Variants in NRXN1 observed in about 807,000 individuals in gnomAD.
NRXN1 encodes the protein neurexin 1.
In NRXN1, 39 loss-of-function variants were observed where a neutral mutation model predicts 150.9. That is an observed-to-expected ratio of 0.26 (90% CI 0.20 to 0.34). The LOEUF (loss-of-function observed/expected upper bound fraction) is 0.34, where lower values mean the gene tolerates loss of function less well. NRXN1 is among the 10% of genes least tolerant of loss of function. NRXN1 has a pLI of 1.00. For synonymous variants in NRXN1, 924 were observed against 757.0 expected, an observed-to-expected ratio of 1.22 and a Z score of -3.62; for missense variants, 1,815 against 1,949.9, an observed-to-expected ratio of 0.93 and a Z score of 1.30.
At chr2:50,100,589 C>T (rs1390188789) in intron 18 of NRXN1, among the ~76,000 whole-genome samples, 1 of 151,992 alleles carries the variant, frequency 6.6e-6, no homozygotes, top group Non-Finnish European at 1.5e-5. Flanking sequence ...CATTCTCAAA[C>T]CATTATGAAG....
At chr2:49,971,340 CT>C (rs1469745400) in intron 21 of NRXN1, among the ~76,000 whole-genome samples, 2 of 152,132 alleles carry the variant, frequency 1.3e-5, no homozygotes, top group African/African-American at 4.8e-5. Context: ...CCCAGAACAT[CT>C]TTAATATGCG....
At chr2:50,500,050 C>T (rs1163915687) in intron 13 of NRXN1, among the ~76,000 whole-genome samples, 1 of 152,000 alleles carries the variant, frequency 6.6e-6, no homozygotes, top group Admixed American at 6.6e-5. Flanking sequence ...TGACCCCTAC[C>T]CTGATCCTGA....
At chr2:50,731,297 AC>A (rs1698071244) in intron 5 of NRXN1, among the ~76,000 whole-genome samples, 1 of 152,232 alleles carries the variant, frequency 6.6e-6, no homozygotes. Context: ...AGCTAGAGTT[AC>A]TGATTTACTA....
At chr2:50,432,331 T>A (rs1455952536) in intron 17 of NRXN1, 2 of 152,224 alleles carry the variant, frequency 1.3e-5, no homozygotes, top group Non-Finnish European at 2.9e-5. Context: ...CCATTTACCC[T>A]GCATTTTCTT....
chr2:50,428,773 T>C (rs2084708636), intron 17 of NRXN1, among the ~76,000 whole-genome samples: 1 of 152,046 alleles, frequency 6.6e-6, no homozygotes, highest in Non-Finnish European at 1.5e-5. Flanking sequence ...TGCTAAGAGG[T>C]TTACATTAAT....
chr2:50,158,500 T>C (rs1230927632), intron 18 of NRXN1, among the ~76,000 whole-genome samples: 1 of 152,054 alleles, frequency 6.6e-6, no homozygotes, highest in African/African-American at 2.4e-5. Context: ...GTTCTGGACA[T>C]TGTTATCCCA....
At chr2:50,551,074 A>AGAAGAAGAAGAAGAG (rs1553775804) in intron 9 of NRXN1, among the ~76,000 whole-genome samples, 1 of 110,688 alleles carries the variant, frequency 9.0e-6, no homozygotes, top group African/African-American at 3.5e-5. Flanking sequence ...AAGAAGAAGA[A>AGAAGAAGAAGAAGAG]GAGGAGGAGG....
Position 50,741,345 on chromosome 2 carries a change from T to C in NRXN1, c.833-117730A>G, listed in dbSNP as rs185258322. Among the ~76,000 whole-genome samples the C allele has an allele frequency of 1.6e-3, 240 of 152,260 alleles. 2 individuals carry two copies. Among genetic ancestry groups the C allele is most frequent in the African/African-American group, 5.5e-3 (230 of 41,570 alleles). ...GACCCAATGTCTAACTATAAATTCA[T>C]CTAGACTATCTATGACACTTTGCCA... On this transcript the variant is annotated intron_variant, in intron 5 of 22. Coordinates refer to ENST00000401669, the MANE Select transcript of NRXN1 (RefSeq NM_001330078.2).
intron 2 of NRXN1, among the ~76,000 whole-genome samples, chr2:51,021,417 A>G (rs184038143): frequency 7.4e-4 from 112 of 152,074 alleles, no homozygotes; most frequent in African/African-American, 2.4e-3. Flanking sequence ...GGTTTTCATA[A>G]TGTAGCTAAG....
chr2:50,814,876 T>C (rs1668707319), intron 5 of NRXN1, among the ~76,000 whole-genome samples: 2 of 152,160 alleles, frequency 1.3e-5, no homozygotes, highest in Admixed American at 1.3e-4. Context: ...TCTGTTTGAT[T>C]CAATTGTTTA....
rs531388317 is a variant in NRXN1, at chr2:50,372,189, A to C, written c.3364+93253T>G. Among the ~76,000 whole-genome samples, 5 of 152,210 alleles carry C rather than the reference A, an allele frequency of 3.3e-5. No individual in the cohort carries two copies. In the South Asian group the frequency reaches 1.0e-3, roughly 32 times the overall value. On this transcript the variant is annotated intron_variant, in intron 17 of 22. Transcript: ENST00000401669. ...CTTAGAGCTGGAAGAAACACATTTCAGTTTGTCAGTATTCTCTAAAATCCA... is the reference window on the plus strand; with the variant it reads ...CTTAGAGCTGGAAGAAACACATTTCCGTTTGTCAGTATTCTCTAAAATCCA...
chr2:50,861,069 T>C (rs1429436983), intron 5 of NRXN1, among the ~76,000 whole-genome samples: 1 of 152,050 alleles, frequency 6.6e-6, no homozygotes, highest in Non-Finnish European at 1.5e-5. Context: ...GCTGAAAGGT[T>C]GGTTGGTCAT....
In NRXN1 at chr2:49,950,921, C is replaced by G. The variant is rs141302260; in HGVS notation, c.4129-7130G>C. Among the ~76,000 whole-genome samples, 586 of 152,040 alleles carry G rather than the reference C, an allele frequency of 3.9e-3. 4 individuals are homozygous for G. Among genetic ancestry groups the G allele is most frequent in the African/African-American group, 0.013 (559 of 41,524 alleles). ...TCCCAATTGATGCCCTAGGCTATTA[C>G]AAAAAGTGACCATAAATCAGCTGTC... On this transcript the variant is annotated intron_variant, in intron 21 of 22. Coordinates refer to ENST00000401669, the MANE Select transcript of NRXN1 (RefSeq NM_001330078.2).
At chr2:50,183,303 A>T (rs2060856168) in intron 18 of NRXN1, among the ~76,000 whole-genome samples, 1 of 152,062 alleles carries the variant, frequency 6.6e-6, no homozygotes, top group African/African-American at 2.4e-5. Flanking sequence ...AAGGTTTATT[A>T]TACCACAGGG....
chr2:50,316,002 C>A (rs1038331834), intron 17 of NRXN1, among the ~76,000 whole-genome samples: 11 of 151,950 alleles, frequency 7.2e-5, no homozygotes, highest in African/African-American at 2.4e-4. Flanking sequence ...AAGCAGTAAA[C>A]GGCATGAGAT....
intron 5 of NRXN1, among the ~76,000 whole-genome samples, chr2:50,849,000 C>G (rs1674113274): frequency 6.6e-6 from 1 of 152,214 alleles, no homozygotes; most frequent in Non-Finnish European, 1.5e-5. Flanking sequence ...ACCCATCACT[C>G]ACATTGCTAT....
intron 5 of NRXN1, among the ~76,000 whole-genome samples, chr2:50,861,877 G>A (rs1033753787): frequency 9.2e-5 from 14 of 152,032 alleles, no homozygotes; most frequent in South Asian, 2.1e-4. Context: ...TTAGTCACTC[G>A]AACATGTTTA....
intron 18 of NRXN1, among the ~76,000 whole-genome samples, chr2:50,133,399 C>T (rs771050691): frequency 1.3e-5 from 2 of 152,000 alleles, no homozygotes; most frequent in African/African-American, 4.8e-5. Context: ...ATCAGAACAA[C>T]CACTGAAAAT....
intron 5 of NRXN1, among the ~76,000 whole-genome samples, chr2:50,875,438 A>G (rs763702653): frequency 5.3e-5 from 8 of 151,674 alleles, no homozygotes; most frequent in Admixed American, 1.3e-4. Flanking sequence ...GTTCCTCAAT[A>G]TATTTTAGCA....
Sources: allele counts gnomAD v4.1 joint callset (sites outside exome capture counted in the v4.1 genomes callset), GRCh38; gene constraint gnomAD v4.1.1; transcripts MANE v1.5; gene names NCBI Gene and HGNC (gene_info 2026-07-23, HGNC 2026-07-21).